PTPRN2: variants seen among roughly 807,000 people sequenced by gnomAD.
PTPRN2 encodes the protein receptor-type tyrosine-protein phosphatase N2.
A neutral mutation model predicts 118.8 loss-of-function variants in PTPRN2; 74 were observed. The observed-to-expected ratio is 0.62, with a 90% CI of 0.52 to 0.76. The LOEUF is 0.76. Among genes scored for constraint, PTPRN2 ranks in the 30% least tolerant of loss-of-function variants. The pLI is 0.00. For missense variants in PTPRN2, 1,481 were observed against 1,394.4 expected (o/e 1.06, Z -0.99); for synonymous variants, 641 against 608.0 (o/e 1.05, Z -0.80).
At chr7:157,905,043 C>T (rs1051896969) in intron 11 of PTPRN2, among the ~76,000 whole-genome samples, 2 of 152,206 alleles carry the variant, frequency 1.3e-5, no homozygotes, top group African/African-American at 4.8e-5. Flanking sequence ...CCCTTTTCCA[C>T]ACTGTTGGTG....
At chr7:158,577,891 C>T (rs538648380) in intron 1 of PTPRN2, among the ~76,000 whole-genome samples, 3 of 152,288 alleles carry the variant, frequency 2.0e-5, no homozygotes, top group African/African-American at 7.2e-5. Context: ...CTAACACAGA[C>T]CCTGCACTGC....
rs1792668506 is a variant in PTPRN2, at chr7:157,929,417, A to G, written c.1724-30680T>C. Among the ~76,000 whole-genome samples the G allele has an allele frequency of 6.6e-6, 1 of 152,136 alleles. No homozygotes were observed. The highest frequency in any genetic ancestry group is 2.4e-5 in the African/African-American group (1 of 41,426). ...CCCTGGCGCGACTCCTGAGGGCTTC[A>G]GTCCTCGGTTTGTTCCTTTTAGGAG... On this transcript the variant is annotated intron_variant, in intron 11 of 22. Coordinates refer to ENST00000389418, the MANE Select transcript of PTPRN2 (RefSeq NM_002847.5). This position sits in a 1 kb window ranked among gnomAD's most constrained non-coding sequence, Gnocchi z 4.4.
chr7:158,547,631 C>G (rs977949899), intron 1 of PTPRN2, among the ~76,000 whole-genome samples: 1 of 152,222 alleles, frequency 6.6e-6, no homozygotes, highest in Admixed American at 6.5e-5. Flanking sequence ...ACGGAAGAGG[C>G]AGGGACCCTG....
intron 2 of PTPRN2, among the ~76,000 whole-genome samples, chr7:158,353,148 G>A (rs1384326347): frequency 6.6e-6 from 1 of 152,202 alleles, no homozygotes. Flanking sequence ...CAGCCGTGCT[G>A]CCCACTGGGA....
rs1806175784 is a variant in PTPRN2 at position 157,813,309 on chromosome 7, C to G, written c.1788+85364G>C. Among the ~76,000 whole-genome samples the G allele has an allele frequency of 6.6e-6, 1 of 152,142 alleles. No individual in the cohort carries two copies. Among genetic ancestry groups the G allele is most frequent in the African/African-American group, 2.4e-5 (1 of 41,404 alleles). On this transcript the variant is annotated intron_variant, in intron 12 of 22. Transcript: ENST00000389418. This position sits in a 1 kb window ranked among gnomAD's most constrained non-coding sequence, Gnocchi z 4.7. ...TCCTGCTGTGGGGTGTGAGTCCAGC[C>G]AGTGCTGGGAAGCCGGTGTGGCTAG...
intron 15 of PTPRN2, among the ~76,000 whole-genome samples, chr7:157,606,721 T>C (rs559503505): frequency 1.1e-4 from 17 of 152,376 alleles, no homozygotes; most frequent in African/African-American, 3.4e-4. Context: ...GTGGTGGTGG[T>C]GAAGCTGCAC....
intron 3 of PTPRN2, among the ~76,000 whole-genome samples, chr7:158,251,719 G>GT (rs1340371185): frequency 6.6e-6 from 1 of 151,938 alleles, no homozygotes; most frequent in African/African-American, 2.4e-5. Flanking sequence ...GATGTCTATG[G>GT]TGCACGTGTG....
At chr7:157,758,972 T>G (rs1801974845) in intron 12 of PTPRN2, among the ~76,000 whole-genome samples, 1 of 152,220 alleles carries the variant, frequency 6.6e-6, no homozygotes, top group Non-Finnish European at 1.5e-5. Context: ...CATCGCTCCT[T>G]AACTTTCATA....
intron 20 of PTPRN2, 82 bp from the exon 21 acceptor site, chr7:157,569,048 C>T (rs964906449): frequency 1.9e-5 from 25 of 1,302,722 alleles, no homozygotes; most frequent in Non-Finnish European, 2.8e-5. Context: ...CAGTTCATTT[C>T]CTTCCTGCTT....
At chr7:158,283,568 G>C (rs1799574342) in intron 3 of PTPRN2, among the ~76,000 whole-genome samples, 1 of 152,162 alleles carries the variant, frequency 6.6e-6, no homozygotes, top group Non-Finnish European at 1.5e-5. Context: ...CAAGGACATA[G>C]GGACCTTGCT....
At chr7:158,540,629 C>A (rs1825931144) in intron 1 of PTPRN2, among the ~76,000 whole-genome samples, 1 of 152,232 alleles carries the variant, frequency 6.6e-6, no homozygotes, top group Non-Finnish European at 1.5e-5. Flanking sequence ...CACCCCACAT[C>A]CAGACGAGAC....
intron 9 of PTPRN2, among the ~76,000 whole-genome samples, chr7:158,120,046 G>A (rs1274594381): frequency 6.6e-6 from 1 of 152,192 alleles, no homozygotes; most frequent in East Asian, 1.9e-4. Context: ...TCAGACACAT[G>A]CGACAACAGG....
chr7:158,523,438 G>A (rs1302923250), intron 1 of PTPRN2, among the ~76,000 whole-genome samples: 2 of 131,180 alleles, frequency 1.5e-5, no homozygotes, highest in East Asian at 5.1e-4. Context: ...AGCGGAGTCT[G>A]CCCTGGAGCG....
Position 158,458,087 on chromosome 7 carries a change from A to G in PTPRN2, c.163+31648T>C, listed in dbSNP as rs555464962. 6.6e-5 allele frequency among the ~76,000 whole-genome samples: 10 copies of G among 152,346 alleles called. No individual in the cohort carries two copies. The South Asian group carries it at 1.2e-3, about 19-fold the overall frequency. ...GGCACTTCACAGCTCTGCAGTGCCC[A>G]GGGTTCCATTATGCGTCCCTCAGTG... On this transcript the variant is annotated intron_variant, in intron 2 of 22. Coordinates refer to ENST00000389418, the MANE Select transcript of PTPRN2 (RefSeq NM_002847.5).
chr7:158,545,251 T>C (rs1482141010), intron 1 of PTPRN2, among the ~76,000 whole-genome samples: 1 of 152,220 alleles, frequency 6.6e-6, no homozygotes, highest in Non-Finnish European at 1.5e-5. Flanking sequence ...AATAACAGAT[T>C]CTTTCAGTTT....
intron 7 of PTPRN2, among the ~76,000 whole-genome samples, chr7:158,138,072 G>A (rs1485218919): frequency 6.6e-6 from 1 of 152,222 alleles, no homozygotes; most frequent in Non-Finnish European, 1.5e-5. Context: ...CCTCCTCGCA[G>A]AGAGCAATTT....
intron 12 of PTPRN2, among the ~76,000 whole-genome samples, chr7:157,723,616 C>T (rs78786872): frequency 0.013 from 2,030 of 152,330 alleles, 72 homozygotes; most frequent in East Asian, 0.061. Context: ...TCCCCGGAGA[C>T]GCTGTCATCC....
chr7:158,179,353 T>A lies in PTPRN2; in HGVS notation c.550-12062A>T, dbSNP rs140648605. 6.9e-4 allele frequency among the ~76,000 whole-genome samples: 105 copies of A among 152,330 alleles called. 1 individual carries two copies. The East Asian group carries it at 0.018, about 26-fold the overall frequency. On this transcript the variant is annotated intron_variant, in intron 5 of 22. Coordinates refer to ENST00000389418, the MANE Select transcript of PTPRN2 (RefSeq NM_002847.5). ...CATTTGTCCACTTTTTAATGGGATT[T>A]TTTTTTCTTGCTAAATTGTTTGAGT...
intron 2 of PTPRN2, among the ~76,000 whole-genome samples, chr7:158,433,253 C>T (rs1244400150): frequency 6.6e-6 from 1 of 152,092 alleles, no homozygotes; most frequent in Non-Finnish European, 1.5e-5. Context: ...CTGCTGGGAA[C>T]ATTCTTAGGC....
Sources: allele counts gnomAD v4.1 joint callset (sites outside exome capture counted in the v4.1 genomes callset), GRCh38; gene constraint gnomAD v4.1.1; non-coding constraint Gnocchi (gnomAD v3.1); transcripts MANE v1.5; gene names NCBI Gene and HGNC (gene_info 2026-07-23, HGNC 2026-07-21).